The following TTN variants were observed in gnomAD, a reference collection of about 807,000 sequenced individuals.
TTN encodes the protein connectin.
A neutral mutation model predicts 3,223.0 loss-of-function variants in TTN; 1,525 were observed. The ratio of observed to expected loss-of-function variants is 0.47; its 90% CI spans 0.45 to 0.49. TTN has a LOEUF of 0.49. TTN is among the 20% of genes least tolerant of loss of function. The pLI is 0.00. For missense variants in TTN, 40,786 were observed against 43,424.0 expected, an observed-to-expected ratio of 0.94 and a Z score of 5.40; for synonymous variants, 14,094 against 15,161.0, an observed-to-expected ratio of 0.93 and a Z score of 5.17.
At position 178,721,857 on chromosome 2, in the gene TTN, G is replaced by T; in HGVS notation, c.22806C>A (p.Leu7602=). 1 of 1,607,520 alleles carries T rather than the reference G, an allele frequency of 6.2e-7. No homozygotes were observed. Among genetic ancestry groups the T allele is most frequent in the Non-Finnish European group, 8.5e-7 (1 of 1,176,648 alleles). The stretch of plus-strand genomic sequence containing the variant: ...GTCATGGAATGATACCTTTTACACT[G>T]AGCTGAGCTGAGCACATGTCTTTGC... ...DVGKDMCSAQ[L]SVKEPPKFVK... is the part of the protein sequence containing the mutation. Residue 7602 remains leucine, a synonymous_variant, in exon 78 of 363, where the codon CTC becomes CTA. Coordinates refer to ENST00000589042, the MANE Select transcript of TTN (RefSeq NM_001267550.2).
rs1221437302 is a variant in TTN, at chr2:178,567,135, C to A, written c.78997G>T (p.Ala26333Ser). The change falls in exon 326 of 363, where the codon GCC becomes TCC. Residue 26333 changes from alanine to serine, a missense_variant. Physicochemically the swap from Ala to Ser is moderately conservative, Grantham distance 99 (BLOSUM62 1). Coordinates refer to ENST00000589042, the MANE Select transcript of TTN (RefSeq NM_001267550.2). ...ACTTCTGAAGCAACAACAGTCCAGG[C>A]AAGTCGACTGGTTTCTCGCTTTTCA... is the stretch of plus-strand genomic sequence containing the variant. Reference protein sequence around the residue: ...VVEKRETSRLAWTVVASEVVT... With the variant: ...VVEKRETSRLSWTVVASEVVT... 2 of 1,613,548 alleles carry A rather than the reference C, an allele frequency of 1.2e-6. No homozygotes were observed. Among genetic ancestry groups the A allele is most frequent in the East Asian group, 4.5e-5 (2 of 44,830 alleles).
In TTN at chr2:178,580,401, T is replaced by C; in HGVS notation, c.66978A>G (p.Lys22326=). 6.2e-7 allele frequency: 1 copy of C among 1,613,290 alleles called. No individual in the cohort carries two copies. Among genetic ancestry groups the C allele is most frequent in the Non-Finnish European group, 8.5e-7 (1 of 1,179,444 alleles). The change falls in exon 317 of 363, where the codon AAA becomes AAG. Residue 22326 remains lysine, a synonymous_variant. Transcript: ENST00000589042. ...TTAAGATATATTTTCCTGCATCATA[T>C]TTGTTCACATTTTCACAGCGCAAGA... The part of the protein sequence containing the change: ...DTFLRCENVN[K]YDAGKYILTL...
rs1413349026 is a variant in TTN at position 178,564,638 on chromosome 2, A to G, written c.81494T>C (p.Phe27165Ser). The G allele has an allele frequency of 6.2e-7, 1 of 1,613,442 alleles. No homozygotes were observed. Among genetic ancestry groups the G allele is most frequent in the Non-Finnish European group, 8.5e-7 (1 of 1,179,712 alleles). The change falls in exon 326 of 363, where the codon TTT (phenylalanine) becomes TCT (serine). Residue 27165 changes from phenylalanine to serine, a missense_variant. Physicochemically the swap from Phe to Ser is radical, Grantham distance 155. Coordinates refer to ENST00000589042, the MANE Select transcript of TTN (RefSeq NM_001267550.2). Reference protein sequence around the residue: ...IGKPSKVSECFVARDPCDPPG... With the variant: ...IGKPSKVSECSVARDPCDPPG... ...TGGGTCACATGGATCACGAGCAACA[A>G]AGCATTCTGACACTTTGCTAGGCTT...
Position 178,532,657 on chromosome 2 carries a change from C to A in TTN, c.103958G>T (p.Arg34653Leu), listed in dbSNP as rs72629786. The A allele has an allele frequency of 4.3e-6, 7 of 1,613,834 alleles. No individual in the cohort carries two copies. The highest frequency in any genetic ancestry group is 5.9e-6 in the Non-Finnish European group (7 of 1,179,864). Residue 34653 changes from arginine to leucine, a missense_variant, in exon 358 of 363, where the codon CGT (arginine) becomes CTT (leucine). Arg to Leu is a moderately radical substitution (Grantham distance 102). Coordinates refer to ENST00000589042, the MANE Select transcript of TTN (RefSeq NM_001267550.2). ...TTCATCAGAGATGTCCCCAAGAGAA[C>A]GTCTTCTAGGTCGGTAGTAAAAGTC... ...DYDFYYRPRR[R>L]SLGDISDEEL...
Position 178,723,180 on chromosome 2 carries a change from C to T in TTN, c.21827G>A (p.Cys7276Tyr). ...DGFNITTSEK[C>Y]NIVTTEKTCI... ...AGTTTTCTCTGTTGTGACTATGTTA[C>T]ATTTTTCAGAGGTAGTTATGTTAAA... The change falls in exon 75 of 363, where the codon TGT (cysteine) becomes TAT (tyrosine). Residue 7276 changes from cysteine (C) to tyrosine (Y), a missense_variant. Cys to Tyr is a radical substitution (Grantham distance 194). Transcript: ENST00000589042. 8 of 1,613,474 alleles carry T rather than the reference C, an allele frequency of 5.0e-6. No homozygotes were observed. The highest frequency in any genetic ancestry group is 6.8e-6 in the Non-Finnish European group (8 of 1,179,626).
At chr2:178,612,692 A>G in intron 265 of TTN, 81 bp downstream of exon 265, 2 of 1,533,420 alleles carry the variant, frequency 1.3e-6, no homozygotes, top group Non-Finnish European at 1.7e-6. Flanking sequence ...ATAGTAATGA[A>G]TTTTTCATAT....
intron 117 of TTN, 197 bp downstream of exon 117, chr2:178,694,402 C>T: frequency 4.2e-6 from 2 of 476,236 alleles, no homozygotes; most frequent in Non-Finnish European, 7.5e-6. Context: ...AATTTTTAAG[C>T]AGAACTAGAA....
Position 178,589,733 on chromosome 2 carries a change from G to C in TTN, c.61992C>G (p.Asn20664Lys), listed in dbSNP as rs376455983. 82 of 1,613,436 alleles carry C rather than the reference G, an allele frequency of 5.1e-5. No homozygotes were observed. Among genetic ancestry groups the C allele is most frequent in the Non-Finnish European group, 6.4e-5 (75 of 1,179,612 alleles). Residue 20664 changes from asparagine to lysine, a missense_variant, in exon 304 of 363, where the codon AAC (asparagine) becomes AAG (lysine). Asn to Lys is a moderately conservative substitution (Grantham distance 94). Coordinates refer to ENST00000589042, the MANE Select transcript of TTN (RefSeq NM_001267550.2). ...IETKTPILAI[N>K]PIDRPGEPEN... ...CAGGCTCACCTGGTCTGTCAATAGG[G>C]TTAATAGCCAGAATGGGAGTTTTTG... is the stretch of plus-strand genomic sequence containing the variant.
chr2:178,772,525 A>T (rs2091681103), intron 33 of TTN, among the ~76,000 whole-genome samples: 1 of 152,328 alleles, frequency 6.6e-6, no homozygotes, highest in East Asian at 1.9e-4. Context: ...TTATTTCTAC[A>T]TGATATCATA....
Position 178,557,655 on chromosome 2 carries a change from T to C in TTN, c.87699A>G (p.Leu29233=). 1 of 1,613,770 alleles carries C rather than the reference T, an allele frequency of 6.2e-7. No individual in the cohort carries two copies. The highest frequency in any genetic ancestry group is 8.5e-7 in the Non-Finnish European group (1 of 1,179,796). Residue 29233 remains leucine, a synonymous_variant, in exon 328 of 363, where the codon CTA becomes CTG. Transcript: ENST00000589042. ...AAAAGTTGGACAACTTACTGTATGG[T>C]AGTTTGACAGTCACACAAGCTGAAT... ...HIDSACVTVK[L]PYTTPGPPST...
At position 178,533,769 on chromosome 2, in the gene TTN, A is replaced by T. The variant is rs876657618; in HGVS notation, c.102846T>A (p.Thr34282=). The T allele has an allele frequency of 3.7e-6, 6 of 1,613,950 alleles. No homozygotes were observed. The highest frequency in any genetic ancestry group is 5.1e-6 in the Non-Finnish European group (6 of 1,179,874). Residue 34282 remains threonine, a synonymous_variant, in exon 358 of 363, where the codon ACT becomes ACA. Transcript: ENST00000589042. ...GENVRFGVTI[T]VHPEPHVTWY... ...ATGTTACATGAGGCTCTGGGTGGAC[A>T]GTTATAGTTACTCCAAACCGGACAT...
rs891394797 is a variant in TTN, at chr2:178,552,051, A to G, written c.90849T>C (p.Thr30283=). The G allele has an allele frequency of 6.2e-7, 1 of 1,613,582 alleles. No homozygotes were observed. The highest frequency in any genetic ancestry group is 1.7e-5 in the Admixed American group (1 of 59,980). ...CTTTGACTAGATTAGGAACTTTGAA[A>G]GTCGTTCTGGCAACACTTGAACACA... ...KMVCSSVART[T]FKVPNLVKDA... The change falls in exon 335 of 363, where the codon ACT becomes ACC. Residue 30283 remains threonine (T), a synonymous_variant. Transcript: ENST00000589042.
chr2:178,695,735 A>G, intron 114 of TTN, 130 bp downstream of exon 114: 1 of 767,824 alleles, frequency 1.3e-6, no homozygotes, highest in Non-Finnish European at 1.9e-6. Flanking sequence ...AAGATTTCTA[A>G]CCTTAAAAAA....
rs1219595791 is a variant in TTN at position 178,754,377 on chromosome 2, A to AAG, written c.11255-1199_11255-1198dup. On this transcript the variant is annotated intron_variant, in intron 46 of 362. Transcript: ENST00000589042. Reference sequence around the variant, plus strand: ...CTTATCTTTCAACTTTCTTAGGTACAAGTAAGGCAGTTGGATGTTCAAAAA... The same window carrying AAG: ...CTTATCTTTCAACTTTCTTAGGTACAAGAGTAAGGCAGTTGGATGTTCAAAAA... 2.0e-5 allele frequency among the ~76,000 whole-genome samples: 3 copies of AAG among 152,150 alleles called. No homozygotes were observed. The South Asian group carries it at 6.2e-4, about 32-fold the overall frequency.
Position 178,604,070 on chromosome 2 carries a change from C to G in TTN, c.54617G>C (p.Arg18206Thr). Reference sequence around the variant, plus strand: ...TGACCAATAAGGACTTCCCTCTTCTCTTTTCTCCAGCCAGTAGCCAGTAAT... The same window carrying G: ...TGACCAATAAGGACTTCCCTCTTCTGTTTTCTCCAGCCAGTAGCCAGTAAT... Reference protein sequence around the residue: ...SPITGYWLEKREEGSPYWSRV... With the variant: ...SPITGYWLEKTEEGSPYWSRV... Residue 18206 changes from arginine to threonine, a missense_variant, in exon 282 of 363, where the codon AGA (arginine) becomes ACA (threonine). Arg to Thr is a moderately conservative substitution (Grantham distance 71). Coordinates refer to ENST00000589042, the MANE Select transcript of TTN (RefSeq NM_001267550.2). 1 of 1,612,916 alleles carries G rather than the reference C, an allele frequency of 6.2e-7. No individual in the cohort carries two copies.
At position 178,773,151 on chromosome 2, in the gene TTN, A is replaced by G; in HGVS notation, c.7813T>C (p.Tyr2605His). ...CCAGATGTCATATTTTCTCCCGCGT[A>G]AAATGTGTATTTTCCTTCATCATCT... The part of the protein sequence containing the change: ...MKDDEGKYTF[Y>H]AGENMTSGKL... The change falls in exon 33 of 363, where the codon TAC (tyrosine) becomes CAC (histidine). Residue 2605 changes from tyrosine to histidine, a missense_variant. Coordinates refer to ENST00000589042, the MANE Select transcript of TTN (RefSeq NM_001267550.2). 6.2e-7 allele frequency: 1 copy of G among 1,613,930 alleles called. No individual in the cohort carries two copies. The highest frequency in any genetic ancestry group is 1.3e-5 in the African/African-American group (1 of 75,058).
Position 178,785,650 on chromosome 2 carries a change from A to C in TTN, c.2463T>G (p.Ile821Met). 2 of 1,614,142 alleles carry C rather than the reference A, an allele frequency of 1.2e-6. No homozygotes were observed. The highest frequency in any genetic ancestry group is 3.3e-5 in the Admixed American group (2 of 60,026). ...ATCCATGTTCTGTCTTAGGAACAGA[A>C]ATTTTTGAAACAGTAAAGTGAGGGC... ...TASPHFTVSK[I>M]SVPKTEHGYE... Residue 821 changes from isoleucine (I) to methionine (M), a missense_variant, in exon 15 of 363, where the codon ATT becomes ATG. Coordinates refer to ENST00000589042, the MANE Select transcript of TTN (RefSeq NM_001267550.2).
At chr2:178,791,515 A>G (rs1445234037) in intron 10 of TTN, among the ~76,000 whole-genome samples, 1 of 152,180 alleles carries the variant, frequency 6.6e-6, no homozygotes, top group Non-Finnish European at 1.5e-5. Context: ...ACGGCACAAC[A>G]GCAGCAAATG....
In TTN at chr2:178,644,734, A is replaced by G; in HGVS notation, c.40409-118T>C. 7.4e-6 allele frequency: 5 copies of G among 677,608 alleles called. No homozygotes were observed. In the South Asian group the frequency reaches 9.0e-5, roughly 12 times the overall value. 42.0% of individuals were successfully genotyped at this position (677,608 alleles called of 1,614,324 possible). ...CTTATAACCAGAAAGCATTAATAAC[A>G]GCCAAGAACAGCCTTCAAAGAACAT... On this transcript the variant is annotated intron_variant, in intron 217 of 362. Coordinates refer to ENST00000589042, the MANE Select transcript of TTN (RefSeq NM_001267550.2).
Sources: gnomAD v4.1 joint callset for allele counts (sites outside exome capture counted in the v4.1 genomes callset) on GRCh38, gnomAD v4.1.1 for gene constraint, MANE v1.5 for transcripts, NCBI Gene and HGNC (gene_info 2026-07-23, HGNC 2026-07-21) for gene names.